Variants in KCNAB1 observed in about 807,000 individuals in gnomAD.
KCNAB1 encodes the protein potassium voltage-gated channel subfamily A regulatory beta subunit 1.
Under a neutral mutation model 64.6 loss-of-function variants are expected in KCNAB1, and 35 were observed. The observed-to-expected ratio is 0.54, with a 90% CI of 0.41 to 0.72. The LOEUF is 0.72. Among genes scored for constraint, KCNAB1 ranks in the 30% least tolerant of loss-of-function variants. The pLI, the probability that KCNAB1 is intolerant of heterozygous loss-of-function variation, is 0.00. For missense variants in KCNAB1, 401 were observed against 512.9 expected, an observed-to-expected ratio of 0.78 and a Z score of 2.11; for synonymous variants, 177 against 183.8, an observed-to-expected ratio of 0.96 and a Z score of 0.30.
At chr3:156,314,281 G>A (rs1347352454) in intron 1 of KCNAB1, among the ~76,000 whole-genome samples, 1 of 152,216 alleles carries the variant, frequency 6.6e-6, no homozygotes, top group East Asian at 1.9e-4. Context: ...TGTCAAAAAT[G>A]TACAGGGGTT....
At chr3:156,244,631 G>T (rs948791788) in intron 1 of KCNAB1, among the ~76,000 whole-genome samples, 1 of 152,068 alleles carries the variant, frequency 6.6e-6, no homozygotes, top group Non-Finnish European at 1.5e-5. Flanking sequence ...AGAGTAAGCC[G>T]CTTACTCCCC....
intron 1 of KCNAB1, among the ~76,000 whole-genome samples, chr3:156,288,856 G>A (rs549047736): frequency 2.0e-5 from 3 of 152,324 alleles, no homozygotes; most frequent in African/African-American, 7.2e-5. Flanking sequence ...GAACGTGCAG[G>A]ATTTTCTTTC....
intron 1 of KCNAB1, among the ~76,000 whole-genome samples, chr3:156,299,531 T>TC (rs3836227): frequency 0.37 from 56,455 of 152,096 alleles, 13,665 homozygotes; most frequent in African/African-American, 0.7. Flanking sequence ...TTGCCACATG[T>TC]AACACTGGAC....
At chr3:156,264,775 C>T (rs1718607072) in intron 1 of KCNAB1, among the ~76,000 whole-genome samples, 1 of 152,072 alleles carries the variant, frequency 6.6e-6, no homozygotes, top group African/African-American at 2.4e-5. Context: ...AATGGTATGT[C>T]TTTTAATAGT....
At chr3:156,120,907 G>T in intron 1 of KCNAB1, 21 bp downstream of exon 1, 2 of 1,610,640 alleles carry the variant, frequency 1.2e-6, no homozygotes, top group Non-Finnish European at 1.7e-6. Context: ...CCTGCTCTGC[G>T]CGGGCTTTGG....
chr3:156,202,460 T>G (rs896263918), intron 1 of KCNAB1, among the ~76,000 whole-genome samples: 1 of 152,216 alleles, frequency 6.6e-6, no homozygotes, highest in Non-Finnish European at 1.5e-5. Flanking sequence ...AACGATCTGC[T>G]AGGAGTGCAC....
chr3:156,228,328 T>C (rs1434910356), intron 1 of KCNAB1, among the ~76,000 whole-genome samples: 2 of 152,162 alleles, frequency 1.3e-5, no homozygotes, highest in African/African-American at 4.8e-5. Context: ...CATACACTTC[T>C]TGTCTGCAGC....
At chr3:156,192,394 C>T (rs774149495) in intron 1 of KCNAB1, among the ~76,000 whole-genome samples, 1 of 152,078 alleles carries the variant, frequency 6.6e-6, no homozygotes. Context: ...TTTATTGAGA[C>T]TTTTAAAATA....
At chr3:156,429,823 G>A (rs1381906176) in intron 2 of KCNAB1, among the ~76,000 whole-genome samples, 1 of 152,134 alleles carries the variant, frequency 6.6e-6, no homozygotes, top group Non-Finnish European at 1.5e-5. Context: ...TTCCCTGAAA[G>A]AGTTTACCAA....
chr3:156,502,532 CCACACA>C (rs60469602), intron 8 of KCNAB1, among the ~76,000 whole-genome samples: 3,994 of 142,876 alleles, frequency 0.028, 106 homozygotes, highest in African/African-American at 0.07. Context: ...TACCTTACAA[CCACACA>C]CACACACACA....
intron 10 of KCNAB1, 149 bp from the exon 11 acceptor site, chr3:156,516,121 G>T: frequency 1.8e-6 from 1 of 569,954 alleles, no homozygotes; most frequent in Non-Finnish European, 3.1e-6. Context: ...AATTGTAATG[G>T]AAAAAAATGC....
chr3:156,399,544 C>T (rs1713734080), intron 1 of KCNAB1, among the ~76,000 whole-genome samples: 1 of 152,070 alleles, frequency 6.6e-6, no homozygotes. Context: ...ATTGACAGGA[C>T]ATGGCAAAGT....
chr3:156,203,083 T>C (rs937510084), intron 1 of KCNAB1, among the ~76,000 whole-genome samples: 1 of 152,242 alleles, frequency 6.6e-6, no homozygotes, highest in Non-Finnish European at 1.5e-5. Flanking sequence ...TCATCTTTTG[T>C]ATGCACAGTT....
chr3:156,253,702 A>C (rs1177157825), intron 1 of KCNAB1, among the ~76,000 whole-genome samples: 1 of 152,194 alleles, frequency 6.6e-6, no homozygotes, highest in East Asian at 1.9e-4. Context: ...TCTAAACCAC[A>C]TTGTTAATGT....
At position 156,349,383 on chromosome 3, in the gene KCNAB1, G is replaced by A. The variant is rs571858766; in HGVS notation, c.276-72233G>A. Among the ~76,000 whole-genome samples the A allele has an allele frequency of 9.2e-5, 14 of 152,256 alleles. No homozygotes were observed. The East Asian group carries it at 2.7e-3, about 29-fold the overall frequency. On this transcript the variant is annotated intron_variant, in intron 1 of 13. Transcript: ENST00000490337. ...AGTACAACTCCCAGAGGAGGTATTA[G>A]CAAAGTTTCCTGTGTAAATACCTGT...
intron 8 of KCNAB1, among the ~76,000 whole-genome samples, chr3:156,511,381 G>A (rs959256554): frequency 6.6e-6 from 1 of 152,166 alleles, no homozygotes; most frequent in Non-Finnish European, 1.5e-5. Context: ...GGGATTACAG[G>A]TGTGAGCCAC....
Position 156,324,574 on chromosome 3 carries a change from C to T in KCNAB1, c.276-97042C>T, listed in dbSNP as rs184496209. 6.7e-4 allele frequency among the ~76,000 whole-genome samples: 102 copies of T among 152,262 alleles called. 1 individual carries two copies. Among genetic ancestry groups the T allele is most frequent in the Middle Eastern group, 6.8e-3 (2 of 294 alleles). Reference sequence around the variant, plus strand: ...CCAAGGATGCTAATTTGATGCCACACGCTCACTTGACTGATGGAGTTCTCA... The same window carrying T: ...CCAAGGATGCTAATTTGATGCCACATGCTCACTTGACTGATGGAGTTCTCA... On this transcript the variant is annotated intron_variant, in intron 1 of 13. Transcript: ENST00000490337.
rs75358095 is a variant in KCNAB1, at chr3:156,355,473, A to G, written c.276-66143A>G. 6.8e-3 allele frequency among the ~76,000 whole-genome samples: 1,032 copies of G among 152,270 alleles called. 13 individuals carry two copies. Among genetic ancestry groups the G allele is most frequent in the African/African-American group, 0.024 (1,006 of 41,540 alleles). On this transcript the variant is annotated intron_variant, in intron 1 of 13. Transcript: ENST00000490337. ...TCAACACTCCATTTGCCTGCTTGCAAAACAAAAAAGTTAGCCCTGCATGTT... is the reference window on the plus strand; with the variant it reads ...TCAACACTCCATTTGCCTGCTTGCAGAACAAAAAAGTTAGCCCTGCATGTT...
chr3:156,135,814 A>G (rs1011716780), intron 1 of KCNAB1, among the ~76,000 whole-genome samples: 1 of 152,202 alleles, frequency 6.6e-6, no homozygotes, highest in African/African-American at 2.4e-5. Flanking sequence ...GATAAGCCCC[A>G]TGGCAGAGCA....
Sources: gnomAD v4.1 joint callset for allele counts (sites outside exome capture counted in the v4.1 genomes callset) on GRCh38, gnomAD v4.1.1 for gene constraint, MANE v1.5 for transcripts, NCBI Gene and HGNC (gene_info 2026-07-23, HGNC 2026-07-21) for gene names.